Variants in THSD7A observed in about 807,000 individuals in gnomAD.
THSD7A encodes the protein thrombospondin type 1 domain containing 7A.
In THSD7A, 96 loss-of-function variants were observed where a neutral mutation model predicts 231.3. That is an observed-to-expected ratio of 0.41 (90% CI 0.35 to 0.49). The LOEUF (loss-of-function observed/expected upper bound fraction) is 0.49, where lower values mean the gene tolerates loss of function less well. THSD7A is among the 20% of genes least tolerant of loss of function. THSD7A has a pLI of 0.05. For missense variants in THSD7A, 2,290 were observed against 2,070.2 expected, an observed-to-expected ratio of 1.11 and a Z score of -2.06; for synonymous variants, 940 against 743.3, an observed-to-expected ratio of 1.26 and a Z score of -4.30.
rs77644782 is a variant in THSD7A, at chr7:11,812,512, A to G, written c.190+19245T>C. Among the ~76,000 whole-genome samples, 913 of 152,310 alleles carry G rather than the reference A, an allele frequency of 6.0e-3. 11 individuals carry two copies. Among genetic ancestry groups the G allele is most frequent in the African/African-American group, 0.021 (877 of 41,572 alleles). ...CAAAAGTGAAGGAAACTGTAAGAGA[A>G]AATGGTAAAATCTCAAGAACATGGT... On this transcript the variant is annotated intron_variant, in intron 1 of 27. Transcript: ENST00000423059.
intron 1 of THSD7A, among the ~76,000 whole-genome samples, chr7:11,827,004 T>A (rs1785051830): frequency 6.6e-6 from 1 of 152,012 alleles, no homozygotes; most frequent in Non-Finnish European, 1.5e-5. Context: ...TATATTTTAT[T>A]TATTTAATTA....
intron 23 of THSD7A, among the ~76,000 whole-genome samples, chr7:11,393,191 A>T (rs188645832): frequency 6.6e-5 from 10 of 152,342 alleles, no homozygotes; most frequent in Non-Finnish European, 1.2e-4. Context: ...CAGAGGAAGT[A>T]ACTGGCAGCA....
intron 19 of THSD7A, among the ~76,000 whole-genome samples, chr7:11,408,165 A>G (rs1282596484): frequency 1.3e-5 from 2 of 152,174 alleles, no homozygotes; most frequent in East Asian, 3.9e-4. Context: ...AAATTCTTCT[A>G]CTGTATATTC....
At chr7:11,689,308 C>T (rs1780159903) in intron 1 of THSD7A, among the ~76,000 whole-genome samples, 1 of 151,762 alleles carries the variant, frequency 6.6e-6, no homozygotes, top group Admixed American at 6.6e-5. Flanking sequence ...CAATAAAATG[C>T]TTTTTTCTTA....
At chr7:11,679,673 G>C (rs6980083) in intron 1 of THSD7A, among the ~76,000 whole-genome samples, 113,782 of 151,966 alleles carry the variant, frequency 0.75, 43,312 homozygotes, top group African/African-American at 0.89. Flanking sequence ...GAACTACAAA[G>C]CACTGGTCAA....
chr7:11,782,089 C>A (rs1241468329), intron 1 of THSD7A, among the ~76,000 whole-genome samples: 1 of 152,100 alleles, frequency 6.6e-6, no homozygotes, highest in Non-Finnish European at 1.5e-5. Flanking sequence ...TGGTTAAAAA[C>A]CACTATTATG....
In THSD7A at chr7:11,406,788, A is replaced by T; in HGVS notation, c.4062+122T>A. The T allele has an allele frequency of 8.0e-7, 1 of 1,249,372 alleles. No homozygotes were observed. The allele number at this position is 1,249,372 out of a possible 1,614,324, so 77.4% of individuals were successfully genotyped here. On this transcript the variant is annotated intron_variant, in intron 21 of 27. Coordinates refer to ENST00000423059, the MANE Select transcript of THSD7A (RefSeq NM_015204.3). This position sits in a 1 kb window ranked among gnomAD's most constrained non-coding sequence, Gnocchi z 4.7. ...AAAATGGCAAGTACATACAAATTTT[A>T]AGAAGCTTGTCATCTGTGAGCTCTG...
chr7:11,766,735 C>T (rs1783040968), intron 1 of THSD7A, among the ~76,000 whole-genome samples: 1 of 152,024 alleles, frequency 6.6e-6, no homozygotes, highest in African/African-American at 2.4e-5. Flanking sequence ...AGATTAAATG[C>T]CATTGAGAAC....
At chr7:11,555,248 T>A (rs1397349645) in intron 4 of THSD7A, among the ~76,000 whole-genome samples, 1 of 151,998 alleles carries the variant, frequency 6.6e-6, no homozygotes, top group East Asian at 1.9e-4. Context: ...AATGTCTATC[T>A]CAGCACTGCT....
chr7:11,649,254 G>T (rs576870132), intron 1 of THSD7A, among the ~76,000 whole-genome samples: 158 of 152,082 alleles, frequency 1.0e-3, no homozygotes, highest in Non-Finnish European at 1.7e-3. Flanking sequence ...CTTGGAAGCA[G>T]ATCTTTTGGC....
At chr7:11,542,261 C>T (rs747274138) in intron 5 of THSD7A, among the ~76,000 whole-genome samples, 24 of 152,196 alleles carry the variant, frequency 1.6e-4, no homozygotes, top group Non-Finnish European at 2.9e-4. Context: ...TAAATGCTGC[C>T]CTTCATGAGA....
intron 6 of THSD7A, among the ~76,000 whole-genome samples, chr7:11,484,874 A>ATTTTTTTTTTTTTTTTTTTTTTTTTT (rs56353626): frequency 3.7e-5 from 2 of 53,810 alleles, no homozygotes; most frequent in African/African-American, 7.5e-5. Flanking sequence ...CACAACCTTA[A>ATTTTTTTTTTTTTTTTTTTTTTTTTT]TTTTTTTTTT....
intron 1 of THSD7A, among the ~76,000 whole-genome samples, chr7:11,763,287 C>A (rs1299767884): frequency 6.6e-6 from 1 of 152,188 alleles, no homozygotes; most frequent in Non-Finnish European, 1.5e-5. Flanking sequence ...TCTCTGTCCT[C>A]ATCTACCTTA....
intron 6 of THSD7A, among the ~76,000 whole-genome samples, chr7:11,514,435 G>A (rs1181991061): frequency 6.6e-6 from 1 of 152,096 alleles, no homozygotes; most frequent in Non-Finnish European, 1.5e-5. Context: ...AACATGATAT[G>A]TTTAGACACA....
chr7:11,502,994 C>G (rs1426909833), intron 6 of THSD7A, among the ~76,000 whole-genome samples: 1 of 151,946 alleles, frequency 6.6e-6, no homozygotes, highest in African/African-American at 2.4e-5. Flanking sequence ...AAAGAGAGTC[C>G]AAATAGCCAA....
At chr7:11,545,539 G>C (rs1789343609) in intron 4 of THSD7A, among the ~76,000 whole-genome samples, 1 of 152,126 alleles carries the variant, frequency 6.6e-6, no homozygotes, top group Non-Finnish European at 1.5e-5. Context: ...GGTGGACAGA[G>C]GGAGAACATA....
At chr7:11,459,361 C>G (rs1353926395) in intron 11 of THSD7A, among the ~76,000 whole-genome samples, 2 of 152,022 alleles carry the variant, frequency 1.3e-5, no homozygotes, top group Non-Finnish European at 1.5e-5. Context: ...ATATGCAAAT[C>G]AATGCCTGAT....
At chr7:11,798,289 G>A (rs1261554078) in intron 1 of THSD7A, among the ~76,000 whole-genome samples, 1 of 152,010 alleles carries the variant, frequency 6.6e-6, no homozygotes, top group Admixed American at 6.6e-5. Context: ...GGCCAACATG[G>A]TGAAACCCCA....
intron 11 of THSD7A, among the ~76,000 whole-genome samples, chr7:11,455,255 T>A (rs1241187460): frequency 6.6e-6 from 1 of 152,038 alleles, no homozygotes. Flanking sequence ...ACCAGAACTG[T>A]GAGAAATAAA....
Sources: gnomAD v4.1 joint callset for allele counts (sites outside exome capture counted in the v4.1 genomes callset) on GRCh38, gnomAD v4.1.1 for gene constraint, Gnocchi (gnomAD v3.1) non-coding constraint, MANE v1.5 for transcripts, NCBI Gene and HGNC (gene_info 2026-07-23, HGNC 2026-07-21) for gene names.